The following GRAMD4 variants were observed in gnomAD, a reference collection of about 807,000 sequenced individuals.
The protein encoded by GRAMD4 is GRAM domain containing 4, also known as GRAM domain-containing protein 4.
GRAMD4 carries 25 observed loss-of-function variants against 83.9 expected under a neutral mutation model. The ratio of observed to expected loss-of-function variants is 0.30; its 90% CI spans 0.22 to 0.42. The LOEUF (loss-of-function observed/expected upper bound fraction) is 0.42, where lower values mean the gene tolerates loss of function less well. Among genes scored for constraint, GRAMD4 ranks in the 10% least tolerant of loss-of-function variants. GRAMD4 has a pLI of 1.00. For synonymous variants in GRAMD4, 336 were observed against 320.9 expected, an observed-to-expected ratio of 1.05 and a Z score of -0.50; for missense variants, 593 against 788.7, an observed-to-expected ratio of 0.75 and a Z score of 2.97.
At chr22:46,616,441 T>C (rs2081495909), upstream of GRAMD4, among the ~76,000 whole-genome samples, 4 of 120,422 alleles carry the variant, frequency 3.3e-5, no homozygotes, top group Non-Finnish European at 5.1e-5. Context: ...TAGGTTCCCC[T>C]GTGCGTGTAG....
intron 1 of GRAMD4, among the ~76,000 whole-genome samples, chr22:46,578,424 G>C (rs2081066064): frequency 6.6e-6 from 1 of 152,128 alleles, no homozygotes; most frequent in South Asian, 2.1e-4. Flanking sequence ...GAGCCTCCTG[G>C]GCCTCAGTTT....
upstream of GRAMD4, among the ~76,000 whole-genome samples, chr22:46,615,577 C>CCA (rs2081472131): frequency 7.4e-6 from 1 of 134,998 alleles, no homozygotes; most frequent in Non-Finnish European, 1.6e-5. Context: ...GTAGGTTCCC[C>CCA]TGTGCGTGTA....
intron 1 of GRAMD4, among the ~76,000 whole-genome samples, chr22:46,612,564 C>G (rs2081428457): frequency 6.6e-6 from 1 of 152,364 alleles, no homozygotes; most frequent in Admixed American, 6.5e-5. Flanking sequence ...AAGGCCCAAG[C>G]TGGTGTAAGC....
intron 1 of GRAMD4, among the ~76,000 whole-genome samples, chr22:46,600,650 C>T (rs2081303792): frequency 6.6e-6 from 1 of 152,174 alleles, no homozygotes; most frequent in Non-Finnish European, 1.5e-5. Context: ...CACTCAGGTG[C>T]TAAGCCCCGG....
At chr22:46,646,031 T>C (rs2082067708) in intron 3 of GRAMD4, among the ~76,000 whole-genome samples, 1 of 152,166 alleles carries the variant, frequency 6.6e-6, no homozygotes, top group Non-Finnish European at 1.5e-5. Context: ...GCCAGGGAGC[T>C]TCTCTTCCTG....
chr22:46,664,627 G>A (rs898655665), intron 8 of GRAMD4, among the ~76,000 whole-genome samples: 3 of 152,240 alleles, frequency 2.0e-5, no homozygotes, highest in Non-Finnish European at 4.4e-5. Context: ...GCCCTGCAGC[G>A]GCTGCCCCAG....
chr22:46,658,080 C>G, intron 3 of GRAMD4, 107 bp from the exon 4 acceptor site: 1 of 1,387,066 alleles, frequency 7.2e-7, no homozygotes, highest in Non-Finnish European at 1.0e-6. Context: ...GCTTACGGAG[C>G]AGAGACCCCT....
chr22:46,623,085 C>T (rs916825389), intron 1 of GRAMD4, among the ~76,000 whole-genome samples: 8 of 152,122 alleles, frequency 5.3e-5, no homozygotes, highest in African/African-American at 1.9e-4. Flanking sequence ...GGCCCCATAG[C>T]GCCCGAGTCT....
rs151136296 is a variant in GRAMD4, at chr22:46,601,037, G to A, written c.-50+23747G>A. Among the ~76,000 whole-genome samples the A allele has an allele frequency of 3.5e-3, 535 of 152,222 alleles. 8 individuals carry two copies. The highest frequency in any genetic ancestry group is 3.9e-3 in the East Asian group (20 of 5,178). Reference sequence around the variant, plus strand: ...CAGGTGCCTATAGTCCCAGCTACTCGGGAGACTGGGGCAGGAGAATCACTT... The same window carrying A: ...CAGGTGCCTATAGTCCCAGCTACTCAGGAGACTGGGGCAGGAGAATCACTT... On this transcript the variant is annotated intron_variant, in intron 1 of 1. Coordinates refer to the GRAMD4 transcript ENST00000431155.
intron 1 of GRAMD4, among the ~76,000 whole-genome samples, chr22:46,602,457 G>A (rs1006681938): frequency 6.6e-6 from 1 of 152,108 alleles, no homozygotes; most frequent in Non-Finnish European, 1.5e-5. Flanking sequence ...TTGTCCAGGA[G>A]TTCGGGACCA....
At chr22:46,656,725 C>T (rs1036881579) in intron 3 of GRAMD4, among the ~76,000 whole-genome samples, 1 of 152,250 alleles carries the variant, frequency 6.6e-6, no homozygotes, top group Non-Finnish European at 1.5e-5. Context: ...TGGCCCTGCC[C>T]AAGAACCTGG....
chr22:46,651,072 C>T lies in GRAMD4; in HGVS notation c.284-7115C>T, dbSNP rs886401059. On this transcript the variant is annotated intron_variant, in intron 3 of 18. Coordinates refer to ENST00000406902, the MANE Select transcript of GRAMD4 (RefSeq NM_015124.5). Reference sequence around the variant, plus strand: ...CTGGTTTCCCTGTGTGCCACGTACCCGGGCCATCTCGCTTTCCTTCCTGAC... The same window carrying T: ...CTGGTTTCCCTGTGTGCCACGTACCTGGGCCATCTCGCTTTCCTTCCTGAC... Among the ~76,000 whole-genome samples the T allele has an allele frequency of 1.8e-4, 27 of 152,332 alleles. No homozygotes were observed. In the South Asian group the frequency reaches 1.9e-3, roughly 11 times the overall value.
intron 1 of GRAMD4, among the ~76,000 whole-genome samples, chr22:46,609,176 C>T (rs1391919441): frequency 6.6e-6 from 1 of 151,976 alleles, no homozygotes; most frequent in Non-Finnish European, 1.5e-5. Flanking sequence ...TTGGGTTTTG[C>T]CCCAGAGACA....
At chr22:46,664,611 G>A (rs944575378) in intron 8 of GRAMD4, among the ~76,000 whole-genome samples, 1 of 152,222 alleles carries the variant, frequency 6.6e-6, no homozygotes, top group Non-Finnish European at 1.5e-5. Flanking sequence ...CGTCCTGCCT[G>A]GAACTGCCCT....
chr22:46,637,088 T>G (rs946938491), intron 2 of GRAMD4, among the ~76,000 whole-genome samples: 1 of 152,078 alleles, frequency 6.6e-6, no homozygotes, highest in Admixed American at 6.5e-5. Flanking sequence ...ATCTACTCAG[T>G]GTGGCTCGTG....
At chr22:46,662,205 C>T (rs1281810676) in intron 5 of GRAMD4, among the ~76,000 whole-genome samples, 1 of 152,222 alleles carries the variant, frequency 6.6e-6, no homozygotes, top group Non-Finnish European at 1.5e-5. Context: ...CCTGCCCTGG[C>T]CCCATCCTCC....
intron 3 of GRAMD4, among the ~76,000 whole-genome samples, chr22:46,645,239 C>T (rs1308795906): frequency 1.3e-5 from 2 of 152,072 alleles, no homozygotes; most frequent in Admixed American, 6.6e-5. Flanking sequence ...TTGGAGTTCG[C>T]CCAGCAGAAC....
At chr22:46,655,767 G>A (rs902480817) in intron 3 of GRAMD4, among the ~76,000 whole-genome samples, 2 of 152,200 alleles carry the variant, frequency 1.3e-5, no homozygotes, top group Admixed American at 1.3e-4. Context: ...CCTCCCCAAG[G>A]CCCTAGGCAG....
At chr22:46,680,192 G>C (rs1354794935), downstream of GRAMD4, among the ~76,000 whole-genome samples, 2 of 152,206 alleles carry the variant, frequency 1.3e-5, no homozygotes, top group Non-Finnish European at 1.5e-5. Flanking sequence ...TGTCCTGGCT[G>C]CCTGGGGGTT....
Sources: gnomAD v4.1 joint callset for allele counts (sites outside exome capture counted in the v4.1 genomes callset) on GRCh38, gnomAD v4.1.1 for gene constraint, MANE v1.5 for transcripts, NCBI Gene and HGNC (gene_info 2026-07-23, HGNC 2026-07-21) for gene names.